Variants in YPEL2 observed in about 807,000 individuals in gnomAD.
The protein encoded by YPEL2 is protein yippee-like 2.
A neutral mutation model predicts 19.1 loss-of-function variants in YPEL2; 2 were observed. The ratio of observed to expected loss-of-function variants is 0.10; its 90% CI spans 0.04 to 0.33. The LOEUF (loss-of-function observed/expected upper bound fraction) is 0.33, where lower values mean the gene tolerates loss of function less well. Ranked by LOEUF, YPEL2 falls within the 10% of genes least tolerant of loss-of-function variation. The pLI is 1.00. For synonymous variants in YPEL2, 52 were observed against 50.0 expected, an observed-to-expected ratio of 1.04 and a Z score of -0.17; for missense variants, 66 against 140.7, an observed-to-expected ratio of 0.47 and a Z score of 2.68.
At chr17:59,347,490 G>T (rs953507182) in intron 1 of YPEL2, among the ~76,000 whole-genome samples, 6 of 152,146 alleles carry the variant, frequency 3.9e-5, no homozygotes, top group African/African-American at 1.4e-4. Flanking sequence ...TGATGACGTG[G>T]TCAGATCTCC....
chr17:59,341,676 T>C (rs1474446487), intron 1 of YPEL2, among the ~76,000 whole-genome samples: 2 of 152,062 alleles, frequency 1.3e-5, no homozygotes, highest in Non-Finnish European at 2.9e-5. Flanking sequence ...AAAAAAGTTA[T>C]ATTAAAAAGG....
intron 1 of YPEL2, among the ~76,000 whole-genome samples, chr17:59,339,955 A>T (rs1431930800): frequency 1.3e-5 from 2 of 151,938 alleles, no homozygotes; most frequent in Non-Finnish European, 2.9e-5. Context: ...CCTCCAACCA[A>T]GGCTTACTGA....
rs1486836627 is a variant in YPEL2 at position 59,401,232 on chromosome 17, A to G, written c.*4042A>G. ...AGAAATCAAATCTTGAACACAATCAACTTACATATTTTAAAGGAATCTGCC... is the reference window on the plus strand; with the variant it reads ...AGAAATCAAATCTTGAACACAATCAGCTTACATATTTTAAAGGAATCTGCC... On this transcript the variant is annotated 3_prime_UTR_variant, in exon 5 of 5. Transcript: ENST00000312655. 6.6e-6 allele frequency: 1 copy of G among 152,188 alleles called. No individual in the cohort carries two copies. The highest frequency in any genetic ancestry group is 2.1e-4 in the South Asian group (1 of 4,828). The allele number at this position is 152,188 out of a possible 1,614,324, so 9.4% of individuals were successfully genotyped here.
chr17:59,349,246 TG>T (rs1222501958), intron 1 of YPEL2, among the ~76,000 whole-genome samples: 2 of 151,676 alleles, frequency 1.3e-5, no homozygotes, highest in African/African-American at 4.8e-5. Flanking sequence ...TTAAAATTTT[TG>T]CTTAAAAGGG....
chr17:59,332,795 C>A (rs1281099091), intron 1 of YPEL2, among the ~76,000 whole-genome samples: 2 of 152,186 alleles, frequency 1.3e-5, no homozygotes, highest in African/African-American at 4.8e-5. Flanking sequence ...CTGTGAAAGG[C>A]CCCAGAGAAC....
At chr17:59,334,268 A>G (rs1355001527) in intron 1 of YPEL2, among the ~76,000 whole-genome samples, 1 of 152,096 alleles carries the variant, frequency 6.6e-6, no homozygotes, top group Non-Finnish European at 1.5e-5. Context: ...AGGCAGCCAC[A>G]CAGTCATTGT....
At chr17:59,364,775 C>T (rs753286337) in intron 2 of YPEL2, among the ~76,000 whole-genome samples, 4 of 152,116 alleles carry the variant, frequency 2.6e-5, no homozygotes, top group African/African-American at 7.2e-5. Flanking sequence ...GCCACCACAT[C>T]GGCTATTTAT....
In YPEL2 at chr17:59,385,753, T is replaced by C. The variant is rs555202865; in HGVS notation, c.118-2574T>C. ...ATGTTTTCACAGGTATATACAGATA[T>C]CAAAACTCATCCAATAGTACACTTC... is the stretch of plus-strand genomic sequence containing the variant. On this transcript the variant is annotated intron_variant, in intron 2 of 4. Coordinates refer to ENST00000312655, the MANE Select transcript of YPEL2 (RefSeq NM_001005404.4). 5.3e-5 allele frequency among the ~76,000 whole-genome samples: 8 copies of C among 152,288 alleles called. No individual in the cohort carries two copies. In the East Asian group the frequency reaches 1.4e-3, roughly 26 times the overall value.
At chr17:59,391,773 G>A (rs2048008592) in intron 4 of YPEL2, among the ~76,000 whole-genome samples, 1 of 152,132 alleles carries the variant, frequency 6.6e-6, no homozygotes, top group Admixed American at 6.5e-5. Context: ...GGTGGCAGAT[G>A]CCTGTAATCC....
Position 59,391,179 on chromosome 17 carries a change from C to T in YPEL2, c.270+1711C>T, listed in dbSNP as rs566737179. On this transcript the variant is annotated intron_variant, in intron 4 of 4. Coordinates refer to ENST00000312655, the MANE Select transcript of YPEL2 (RefSeq NM_001005404.4). The stretch of plus-strand genomic sequence containing the variant: ...AAATGTCTCAAATTCCCTGTCCTGT[C>T]ATATGGCTCATGAACTGCCTCTGGC... Among the ~76,000 whole-genome samples, 416 of 152,246 alleles carry T rather than the reference C, an allele frequency of 2.7e-3. 1 individual carries two copies. Among genetic ancestry groups the T allele is most frequent in the Admixed American group, 7.3e-3 (112 of 15,296 alleles).
intron 1 of YPEL2, among the ~76,000 whole-genome samples, chr17:59,341,572 T>C (rs1402368036): frequency 6.6e-6 from 1 of 152,084 alleles, no homozygotes; most frequent in Non-Finnish European, 1.5e-5. Context: ...GGCAGGAGAA[T>C]TGCTTGAACC....
chr17:59,347,001 A>G (rs2047759678), intron 1 of YPEL2, among the ~76,000 whole-genome samples: 1 of 152,222 alleles, frequency 6.6e-6, no homozygotes, highest in Admixed American at 6.5e-5. Flanking sequence ...CTTAAATGTC[A>G]TTTCAATAAA....
At chr17:59,347,171 T>A (rs1356976006) in intron 1 of YPEL2, among the ~76,000 whole-genome samples, 1 of 152,216 alleles carries the variant, frequency 6.6e-6, no homozygotes, top group African/African-American at 2.4e-5. Context: ...ATGAGCCCTA[T>A]GAAGTAGATA....
At chr17:59,343,149 C>T (rs2047739865) in intron 1 of YPEL2, among the ~76,000 whole-genome samples, 1 of 152,150 alleles carries the variant, frequency 6.6e-6, no homozygotes, top group South Asian at 2.1e-4. Context: ...GGCTTTTTAA[C>T]TTTGTAGAGC....
intron 2 of YPEL2, among the ~76,000 whole-genome samples, chr17:59,358,214 CCTT>C (rs2047823004): frequency 6.6e-6 from 1 of 152,042 alleles, no homozygotes; most frequent in Non-Finnish European, 1.5e-5. Flanking sequence ...TCTGGGCAGT[CCTT>C]CTGAGGTTGG....
Position 59,355,545 on chromosome 17 carries a change from C to T in YPEL2, c.117+2019C>T, listed in dbSNP as rs142135010. 6 of 152,326 alleles carry T rather than the reference C, an allele frequency of 3.9e-5. No individual in the cohort carries two copies. In the East Asian group the frequency reaches 5.8e-4, roughly 15 times the overall value. 9.4% of individuals were successfully genotyped at this position (152,326 alleles called of 1,614,324 possible). A position where few individuals can be genotyped will look rare whatever the true frequency, so the allele number is the denominator to read the frequency against. On this transcript the variant is annotated intron_variant, in intron 2 of 4. Transcript: ENST00000312655. ...ATGCAGGTATGGGTGTTTCAGGGCT[C>T]TGTGCCTTAGCCAAGAGTGTCCGTT... is the stretch of plus-strand genomic sequence containing the variant.
intron 4 of YPEL2, among the ~76,000 whole-genome samples, chr17:59,392,691 T>G (rs1036358629): frequency 6.6e-6 from 1 of 152,076 alleles, no homozygotes; most frequent in African/African-American, 2.4e-5. Context: ...TTTTTCTATT[T>G]TTAGTAGAGA....
chr17:59,334,578 ACACAC>A (rs2047689849), intron 1 of YPEL2, among the ~76,000 whole-genome samples: 1 of 133,484 alleles, frequency 7.5e-6, no homozygotes, highest in Non-Finnish European at 1.7e-5. Context: ...ACAAACACAC[ACACAC>A]ACACACACAC....
At chr17:59,367,604 C>T (rs1037382178) in intron 2 of YPEL2, among the ~76,000 whole-genome samples, 1 of 152,156 alleles carries the variant, frequency 6.6e-6, no homozygotes, top group Admixed American at 6.6e-5. Flanking sequence ...ATTAGAATGA[C>T]TGTTGTGAAA....
Sources: gnomAD v4.1 joint callset for allele counts (sites outside exome capture counted in the v4.1 genomes callset) on GRCh38, gnomAD v4.1.1 for gene constraint, MANE v1.5 for transcripts, NCBI Gene and HGNC (gene_info 2026-07-23, HGNC 2026-07-21) for gene names.